The following GPR107 variants were observed in gnomAD, a reference collection of about 807,000 sequenced individuals.
The protein encoded by GPR107 is protein GPR107.
In GPR107, 31 loss-of-function variants were observed where a neutral mutation model predicts 75.5. The ratio of observed to expected loss-of-function variants is 0.41; its 90% CI spans 0.31 to 0.55. The LOEUF is 0.55. GPR107 is among the 20% of genes least tolerant of loss of function. The pLI is 0.26. For synonymous variants in GPR107, 267 were observed against 251.3 expected, an observed-to-expected ratio of 1.06 and a Z score of -0.59; for missense variants, 572 against 665.7, an observed-to-expected ratio of 0.86 and a Z score of 1.55.
intron 9 of GPR107, among the ~76,000 whole-genome samples, chr9:130,093,540 G>A (rs1474837476): frequency 6.6e-6 from 1 of 152,096 alleles, no homozygotes; most frequent in African/African-American, 2.4e-5. Context: ...TCGGAGTCTG[G>A]TATATTAGAC....
chr9:130,063,349 T>C (rs1205583216), intron 1 of GPR107, among the ~76,000 whole-genome samples: 2 of 151,980 alleles, frequency 1.3e-5, no homozygotes, highest in East Asian at 3.9e-4. Context: ...TGCCACCACA[T>C]CCGGCAAATT....
chr9:130,102,059 A>T (rs1475173353), intron 12 of GPR107, among the ~76,000 whole-genome samples: 4 of 152,224 alleles, frequency 2.6e-5, no homozygotes, highest in Non-Finnish European at 5.9e-5. Context: ...TGAATGGGAC[A>T]GGCCAGTTGC....
chr9:130,127,363 A>G (rs887586883), intron 15 of GPR107, 120 bp from the exon 16 acceptor site: 8 of 669,058 alleles, frequency 1.2e-5, no homozygotes, highest in African/African-American at 8.8e-5. Context: ...TAAGTGTCAC[A>G]TACTTTTCTT....
rs1294475740 is a variant in GPR107 at position 130,139,503 on chromosome 9, T to C, written c.*4382T>C. 2.0e-5 allele frequency: 3 copies of C among 152,330 alleles called. No homozygotes were observed. The highest frequency in any genetic ancestry group is 3.4e-3 in the Middle Eastern group (1 of 294). The allele number at this position is 152,330 out of a possible 1,614,324, so 9.4% of individuals were successfully genotyped here. On this transcript the variant is annotated 3_prime_UTR_variant, in exon 18 of 18. Coordinates refer to ENST00000347136, the MANE Select transcript of GPR107 (RefSeq NM_020960.5). Reference sequence around the variant, plus strand: ...TTGAAAAATAGATAATGCTTTTAGATGGTTCACTGCCAGGCCATGGGCCCC... The same window carrying C: ...TTGAAAAATAGATAATGCTTTTAGACGGTTCACTGCCAGGCCATGGGCCCC...
At chr9:130,089,577 T>A (rs1416401217) in intron 7 of GPR107, among the ~76,000 whole-genome samples, 3 of 152,204 alleles carry the variant, frequency 2.0e-5, no homozygotes, top group Non-Finnish European at 4.4e-5. Flanking sequence ...ATTTTTGTTT[T>A]GTTTTTTTCT....
intron 7 of GPR107, among the ~76,000 whole-genome samples, chr9:130,089,261 T>C (rs1830679509): frequency 6.6e-6 from 1 of 152,190 alleles, no homozygotes; most frequent in South Asian, 2.1e-4. Context: ...CAGTACTTTG[T>C]GTCAGGCGAA....
intron 12 of GPR107, among the ~76,000 whole-genome samples, chr9:130,101,880 T>C (rs1831039234): frequency 6.6e-6 from 1 of 152,208 alleles, no homozygotes; most frequent in Middle Eastern, 3.2e-3. Context: ...TCTCACATTT[T>C]GGAGCACAAA....
chr9:130,132,164 C>T (rs572635099), intron 17 of GPR107, among the ~76,000 whole-genome samples: 12 of 152,152 alleles, frequency 7.9e-5, no homozygotes, highest in South Asian at 2.1e-4. Context: ...GGAATGCAGG[C>T]GTGAGCTGCC....
At position 130,092,371 on chromosome 9, in the gene GPR107, C is replaced by T. The variant is rs145566638; in HGVS notation, c.853C>T (p.Arg285Ter). The change falls in exon 9 of 18, where the codon CGA becomes TGA. Residue 285 changes from arginine to a stop codon, truncating the protein, a stop_gained. Transcript: ENST00000347136. LOFTEE classifies it high-confidence loss of function. The part of the protein sequence containing the change: ...LSGTIWIHIL[R>*]KRRNDVFKIH... ...TGGGACCATCTGGATTCATATCCTT[C>T]GAAAACGACGGTAAACTATTTCTCC... 5 of 1,611,570 alleles carry T rather than the reference C, an allele frequency of 3.1e-6. No homozygotes were observed. Among genetic ancestry groups the T allele is most frequent in the African/African-American group, 1.3e-5 (1 of 74,834 alleles).
At chr9:130,082,175 A>G (rs1342126681) in intron 5 of GPR107, among the ~76,000 whole-genome samples, 2 of 152,188 alleles carry the variant, frequency 1.3e-5, no homozygotes, top group African/African-American at 2.4e-5. Context: ...CTCATGACTC[A>G]GATACCTCAC....
intron 1 of GPR107, among the ~76,000 whole-genome samples, chr9:130,057,918 C>T (rs888299630): frequency 2.0e-5 from 3 of 151,864 alleles, no homozygotes; most frequent in Non-Finnish European, 4.4e-5. Flanking sequence ...GCAACCTCCG[C>T]CTCCCGGTTC....
At chr9:130,058,764 C>T (rs949956017) in intron 1 of GPR107, among the ~76,000 whole-genome samples, 1 of 152,210 alleles carries the variant, frequency 6.6e-6, no homozygotes, top group Non-Finnish European at 1.5e-5. Context: ...TGCGCCCGGC[C>T]GATAGGTAGG....
chr9:130,085,127 G>A (rs1346339599), intron 6 of GPR107, among the ~76,000 whole-genome samples: 1 of 152,204 alleles, frequency 6.6e-6, no homozygotes, highest in Non-Finnish European at 1.5e-5. Context: ...GGGAAAGACT[G>A]TTTATTAAAG....
intron 9 of GPR107, among the ~76,000 whole-genome samples, chr9:130,094,751 G>A (rs959724001): frequency 6.6e-6 from 1 of 151,884 alleles, no homozygotes; most frequent in African/African-American, 2.4e-5. Flanking sequence ...TGAGATTTCA[G>A]CTCACCGCAA....
chr9:130,132,656 A>G (rs975787071), intron 17 of GPR107, among the ~76,000 whole-genome samples: 1 of 152,080 alleles, frequency 6.6e-6, no homozygotes, highest in Non-Finnish European at 1.5e-5. Context: ...GCATGGGGAC[A>G]TGTACCTATA....
At chr9:130,079,163 A>G (rs1830432170) in intron 4 of GPR107, among the ~76,000 whole-genome samples, 1 of 152,150 alleles carries the variant, frequency 6.6e-6, no homozygotes, top group African/African-American at 2.4e-5. Flanking sequence ...GGGTTTTGCC[A>G]TGTTGGCCAG....
chr9:130,055,999 C>T (rs1160823145), intron 1 of GPR107, among the ~76,000 whole-genome samples: 1 of 144,144 alleles, frequency 6.9e-6, no homozygotes, highest in East Asian at 2.0e-4. Flanking sequence ...ATCCATACAA[C>T]CTTACTTTTT....
intron 15 of GPR107, among the ~76,000 whole-genome samples, chr9:130,126,296 C>T (rs1831682234): frequency 6.6e-6 from 1 of 151,720 alleles, no homozygotes; most frequent in Non-Finnish European, 1.5e-5. Flanking sequence ...GTATAGGCCT[C>T]CCAGAGTTAG....
At chr9:130,071,495 A>G (rs1457057386) in intron 1 of GPR107, among the ~76,000 whole-genome samples, 2 of 151,940 alleles carry the variant, frequency 1.3e-5, no homozygotes, top group Admixed American at 1.3e-4. Flanking sequence ...GGCCTCAGGT[A>G]GTCATTTCTC....
Sources: allele counts gnomAD v4.1 joint callset (sites outside exome capture counted in the v4.1 genomes callset), GRCh38; gene constraint gnomAD v4.1.1; transcripts MANE v1.5; gene names NCBI Gene and HGNC (gene_info 2026-07-23, HGNC 2026-07-21).